Variants in MYO16 observed in about 807,000 individuals in gnomAD.
MYO16 encodes the protein myosin XVI.
In MYO16, 94 loss-of-function variants were observed where a neutral mutation model predicts 205.3. The ratio of observed to expected loss-of-function variants is 0.46; its 90% CI spans 0.39 to 0.54. MYO16 has a LOEUF of 0.54. MYO16 is among the 20% of genes least tolerant of loss of function. The pLI, the probability that MYO16 is intolerant of heterozygous loss-of-function variation, is 0.00. For synonymous variants in MYO16, 988 were observed against 954.0 expected, an observed-to-expected ratio of 1.04 and a Z score of -0.66; for missense variants, 2,315 against 2,387.5, an observed-to-expected ratio of 0.97 and a Z score of 0.63.
intron 3 of MYO16, among the ~76,000 whole-genome samples, chr13:108,722,017 A>G (rs115696881): frequency 2.0e-5 from 3 of 152,086 alleles, no homozygotes; most frequent in Non-Finnish European, 4.4e-5. Context: ...GCTTGATTTC[A>G]CCCTCTGATA....
At chr13:108,768,180 G>T (rs1014793525) in intron 4 of MYO16, among the ~76,000 whole-genome samples, 1 of 152,046 alleles carries the variant, frequency 6.6e-6, no homozygotes, top group Non-Finnish European at 1.5e-5. Context: ...CTCTCTGTCC[G>T]TTTGAATCTT....
chr13:108,933,509 G>A (rs1448815293), intron 16 of MYO16, among the ~76,000 whole-genome samples: 1 of 151,998 alleles, frequency 6.6e-6, no homozygotes, highest in African/African-American at 2.4e-5. Flanking sequence ...GTGTGTGTGT[G>A]TGTGTGTGTA....
chr13:108,815,683 C>T (rs563280191), intron 7 of MYO16, among the ~76,000 whole-genome samples: 88 of 152,258 alleles, frequency 5.8e-4, no homozygotes, highest in African/African-American at 2.0e-3. Context: ...AGCCACGAAC[C>T]TTGTGGTGAT....
chr13:109,052,576 T>C (rs1259883350), intron 25 of MYO16, 101 bp downstream of exon 25: 1 of 848,202 alleles, frequency 1.2e-6, no homozygotes, highest in Non-Finnish European at 1.8e-6. Flanking sequence ...ACCAAGGAAA[T>C]AGATATTCTA....
At chr13:109,036,131 C>G (rs1473404847) in intron 23 of MYO16, among the ~76,000 whole-genome samples, 1 of 152,240 alleles carries the variant, frequency 6.6e-6, no homozygotes, top group Non-Finnish European at 1.5e-5. Flanking sequence ...TATTCCCCAG[C>G]TCCAGCCAAC....
At chr13:108,816,995 A>G (rs1875649838) in intron 7 of MYO16, among the ~76,000 whole-genome samples, 1 of 152,224 alleles carries the variant, frequency 6.6e-6, no homozygotes, top group Non-Finnish European at 1.5e-5. Flanking sequence ...AGGGAAATGT[A>G]AATTAACCTA....
chr13:108,727,694 C>T (rs768020445), intron 4 of MYO16, 111 bp downstream of exon 4: 181 of 1,172,494 alleles, frequency 1.5e-4, no homozygotes, highest in Non-Finnish European at 7.6e-5. Flanking sequence ...GAAAAATCTG[C>T]ATATGTTATC....
At chr13:108,500,221 G>T in the MYO16 span, among the ~76,000 whole-genome samples, 15,913 of 17,374 alleles carry the variant, frequency 0.92, 7,522 homozygotes, top group Middle Eastern at 1. Flanking sequence ...TTTTTTTTTT[G>T]TTTTTTTTTT....
intron 9 of MYO16, among the ~76,000 whole-genome samples, chr13:108,837,995 TAAAG>T (rs1378062546): frequency 5.9e-5 from 9 of 151,926 alleles, no homozygotes; most frequent in African/African-American, 1.7e-4. Context: ...AACTCTCTGA[TAAAG>T]AAGAAAAAAA....
intron 34 of MYO16, among the ~76,000 whole-genome samples, chr13:109,188,663 G>A (rs1879786639): frequency 6.6e-6 from 1 of 152,142 alleles, no homozygotes; most frequent in Non-Finnish European, 1.5e-5. Flanking sequence ...AAGCCAGTCC[G>A]AGTCCCAAAA....
intron 31 of MYO16, among the ~76,000 whole-genome samples, chr13:109,139,313 A>C (rs1328580935): frequency 6.6e-6 from 1 of 152,214 alleles, no homozygotes; most frequent in African/African-American, 2.4e-5. Flanking sequence ...TTCATATGCC[A>C]CTAACTATTA....
intron 7 of MYO16, among the ~76,000 whole-genome samples, chr13:108,809,349 A>G (rs945237143): frequency 1.3e-5 from 2 of 152,164 alleles, no homozygotes; most frequent in South Asian, 2.1e-4. Context: ...TGCATTAGGC[A>G]GTTTTTGCAT....
At chr13:109,122,992 C>A (rs954258720) in intron 29 of MYO16, among the ~76,000 whole-genome samples, 2 of 152,108 alleles carry the variant, frequency 1.3e-5, no homozygotes, top group Admixed American at 1.3e-4. Flanking sequence ...TAAATTTAAT[C>A]ATTTTAATTT....
At chr13:108,743,360 A>G (rs1884967288) in intron 4 of MYO16, among the ~76,000 whole-genome samples, 1 of 152,238 alleles carries the variant, frequency 6.6e-6, no homozygotes, top group South Asian at 2.1e-4. Context: ...AGAAATTGAT[A>G]CTAGAGAACT....
In MYO16 at chr13:108,727,480, T is replaced by C; in HGVS notation, c.404T>C (p.Ile135Thr). The change falls in exon 4 of 35, where the codon ATT (isoleucine) becomes ACT (threonine). Residue 135 changes from isoleucine to threonine, a missense_variant. By Grantham distance (89) the Ile-to-Thr change is moderately conservative (BLOSUM62 -1). Around this residue, in one of 3 missense-constraint regions of MYO16, gnomAD observed 1,213 missense variants for 1,274.4 expected, o/e 0.95. Transcript: ENST00000457511. ...YDNAFIAEILIDRGVNVNHQD... is the reference protein window; with the variant it reads ...YDNAFIAEILTDRGVNVNHQD... ...AATGCCTTCATTGCAGAAATTCTGATTGACAGAGGAGTCAACGTCAACCAC... is the reference window on the plus strand; with the variant it reads ...AATGCCTTCATTGCAGAAATTCTGACTGACAGAGGAGTCAACGTCAACCAC... The C allele has an allele frequency of 6.2e-7, 1 of 1,614,052 alleles. No individual in the cohort carries two copies. Among genetic ancestry groups the C allele is most frequent in the Non-Finnish European group, 8.5e-7 (1 of 1,179,956 alleles).
intron 1 of MYO16, among the ~76,000 whole-genome samples, chr13:108,647,689 T>C (rs1232043152): frequency 6.6e-6 from 1 of 152,240 alleles, no homozygotes; most frequent in Non-Finnish European, 1.5e-5. Context: ...AAATTCTCTT[T>C]ATGTATGAGT....
At chr13:108,819,179 T>C (rs771867952) in intron 7 of MYO16, among the ~76,000 whole-genome samples, 1 of 152,228 alleles carries the variant, frequency 6.6e-6, no homozygotes, top group African/African-American at 2.4e-5. Context: ...ATGGGAACAT[T>C]ATTTGTAAAA....
At position 109,206,871 on chromosome 13, in the gene MYO16, G is replaced by A. The variant is rs745590490; in HGVS notation, c.*35G>A. On this transcript the variant is annotated 3_prime_UTR_variant, in exon 35 of 35. Transcript: ENST00000457511. ...AACTGCAGACTTACAAAATAGAACTGCCTACTGATTCCGGGCTGCAACAAC... is the reference window on the plus strand; with the variant it reads ...AACTGCAGACTTACAAAATAGAACTACCTACTGATTCCGGGCTGCAACAAC... The A allele has an allele frequency of 7.6e-6, 12 of 1,578,754 alleles. No homozygotes were observed. The Admixed American group carries it at 1.2e-4, about 16-fold the overall frequency.
At chr13:108,595,881 CTT>C (rs67620613), upstream of MYO16, among the ~76,000 whole-genome samples, 12 of 108,300 alleles carry the variant, frequency 1.1e-4, no homozygotes, top group East Asian at 5.5e-4. Context: ...AAATTAAGTC[CTT>C]TTTTTTTTTT....
Sources: gnomAD v4.1 joint callset for allele counts (sites outside exome capture counted in the v4.1 genomes callset) on GRCh38, gnomAD v4.1.1 for gene constraint, gnomAD v4.1.1 regional missense constraint, MANE v1.5 for transcripts, NCBI Gene and HGNC (gene_info 2026-07-23, HGNC 2026-07-21) for gene names.